The following TCF4 variants were observed in gnomAD, a reference collection of about 807,000 sequenced individuals.
TCF4 encodes the protein SL3-3 enhancer factor 2.
A neutral mutation model predicts 82.1 loss-of-function variants in TCF4; 3 were observed. The observed-to-expected ratio is 0.04, with a 90% CI of 0.02 to 0.09. The LOEUF (loss-of-function observed/expected upper bound fraction) is 0.09. Among genes scored for constraint, TCF4 ranks in the 10% least tolerant of loss-of-function variants. The pLI, the probability that TCF4 is intolerant of heterozygous loss-of-function variation, is 1.00. For missense variants in TCF4, 518 were observed against 852.7 expected, an observed-to-expected ratio of 0.61 and a Z score of 4.89; for synonymous variants, 276 against 309.6, an observed-to-expected ratio of 0.89 and a Z score of 1.14.
chr18:55,468,910 C>T (rs1355149733), intron 3 of TCF4, among the ~76,000 whole-genome samples: 1 of 137,426 alleles, frequency 7.3e-6, no homozygotes, highest in Non-Finnish European at 1.6e-5. Flanking sequence ...TATTGCCACC[C>T]TTTTTCCAAG....
At chr18:55,336,767 T>C (rs1034128200) in intron 8 of TCF4, among the ~76,000 whole-genome samples, 2 of 152,162 alleles carry the variant, frequency 1.3e-5, no homozygotes, top group Non-Finnish European at 1.5e-5. Flanking sequence ...AATTCTGCTA[T>C]TAAGAATCTT....
At chr18:55,356,024 T>A (rs1336479831) in intron 6 of TCF4, among the ~76,000 whole-genome samples, 1 of 152,082 alleles carries the variant, frequency 6.6e-6, no homozygotes, top group Non-Finnish European at 1.5e-5. Context: ...TAAACCATAC[T>A]TTCTTCCCGT....
Position 55,302,728 on chromosome 18 carries a change from C to T in TCF4, c.550-23072G>A, listed in dbSNP as rs551099857. 6.8e-4 allele frequency: 661 copies of T among 969,864 alleles called. 3 individuals are homozygous for T. The highest frequency in any genetic ancestry group is 3.1e-3 in the South Asian group (182 of 58,742). The allele number at this position is 969,864 out of a possible 1,614,324, so 60.1% of individuals were successfully genotyped here. A position where few individuals can be genotyped will look rare whatever the true frequency, so the allele number is the denominator to read the frequency against. On this transcript the variant is annotated intron_variant, in intron 8 of 19. Transcript: ENST00000354452. ...CATGAAGAAGGGGAGGTGGGACAAG[C>T]CCAGCCACCCAAATGACCAGGCATG...
At chr18:55,635,902 T>C in exon 1 of TCF4, 1 of 1,571,124 alleles carries the variant, frequency 6.4e-7, no homozygotes, top group Non-Finnish European at 8.6e-7. Context: ...AAACATGGTG[T>C]TGTTCCTTTG....
intron 3 of TCF4, 89 bp from the exon 4 acceptor site, chr18:55,464,226 C>G: frequency 8.7e-7 from 1 of 1,153,388 alleles, no homozygotes; most frequent in Non-Finnish European, 1.3e-6. Flanking sequence ...TCAAATTAAT[C>G]TCCTGTTGCC....
At chr18:55,618,702 G>A (rs574529313) in intron 2 of TCF4, among the ~76,000 whole-genome samples, 19 of 151,596 alleles carry the variant, frequency 1.3e-4, no homozygotes, top group South Asian at 6.2e-4. Flanking sequence ...CCACCTCAGC[G>A]TCATAACTAA....
chr18:55,285,946 C>T (rs2063578156), intron 8 of TCF4, among the ~76,000 whole-genome samples: 1 of 152,186 alleles, frequency 6.6e-6, no homozygotes, highest in South Asian at 2.1e-4. Context: ...ATTTAGAGTC[C>T]TGAGTACTAT....
At chr18:55,246,666 A>G (rs1234929639) in intron 15 of TCF4, among the ~76,000 whole-genome samples, 1 of 152,076 alleles carries the variant, frequency 6.6e-6, no homozygotes, top group Non-Finnish European at 1.5e-5. Context: ...GTTATCACTC[A>G]TCCATGGCTA....
chr18:55,417,239 C>T (rs1460929983), intron 5 of TCF4, among the ~76,000 whole-genome samples: 26 of 152,162 alleles, frequency 1.7e-4, no homozygotes. Context: ...TTTCTCATCC[C>T]GCGACTGTGG....
At position 55,295,575 on chromosome 18, in the gene TCF4, G is replaced by A. The variant is rs1799407; in HGVS notation, c.550-15919C>T. 4.1e-3 allele frequency among the ~76,000 whole-genome samples: 627 copies of A among 152,162 alleles called. 6 individuals carry two copies. The highest frequency in any genetic ancestry group is 0.014 in the African/African-American group (593 of 41,504). On this transcript the variant is annotated intron_variant, in intron 8 of 19. Coordinates refer to ENST00000354452, the MANE Select transcript of TCF4 (RefSeq NM_001083962.2). The stretch of plus-strand genomic sequence containing the variant: ...CTAAGTTTTCCAGGTCCTCCTATCC[G>A]TCTTGACTTTTAAATTCAATTACTT...
intron 2 of TCF4, among the ~76,000 whole-genome samples, chr18:55,611,726 A>C (rs1257337029): frequency 6.6e-6 from 1 of 152,196 alleles, no homozygotes; most frequent in Non-Finnish European, 1.5e-5. Flanking sequence ...GTATATGCGA[A>C]ATATTATAAT....
chr18:55,365,654 C>T (rs1016279769), intron 6 of TCF4, among the ~76,000 whole-genome samples: 2 of 152,112 alleles, frequency 1.3e-5, no homozygotes, highest in Non-Finnish European at 2.9e-5. Context: ...GATCCCAGCA[C>T]TTTGGGAGGC....
intron 5 of TCF4, among the ~76,000 whole-genome samples, chr18:55,447,535 C>T (rs1171047520): frequency 2.0e-5 from 3 of 152,138 alleles, no homozygotes; most frequent in Admixed American, 1.3e-4. Flanking sequence ...CCCAAAAGTA[C>T]TTGCTGGGTG....
intron 2 of TCF4, among the ~76,000 whole-genome samples, chr18:55,615,236 C>A (rs561790866): frequency 6.6e-5 from 10 of 152,080 alleles, no homozygotes; most frequent in Non-Finnish European, 1.0e-4. Context: ...TTAATTAGAT[C>A]TCTAATTTTT....
rs371974974 is a variant in TCF4 at position 55,460,500 on chromosome 18, A to G, written c.304+519T>C. Among the ~76,000 whole-genome samples, 67 of 152,316 alleles carry G rather than the reference A, an allele frequency of 4.4e-4. No individual in the cohort carries two copies. The South Asian group carries it at 6.4e-3, about 15-fold the overall frequency. On this transcript the variant is annotated intron_variant, in intron 5 of 19. Transcript: ENST00000354452. ...GGGGTCTGCCTAGGCCATTAGCACTAAAGTTCATGCCTTGATAAATATACA... is the reference window on the plus strand; with the variant it reads ...GGGGTCTGCCTAGGCCATTAGCACTGAAGTTCATGCCTTGATAAATATACA...
At chr18:55,332,009 T>C (rs1206616522) in intron 8 of TCF4, 1 of 152,242 alleles carries the variant, frequency 6.6e-6, no homozygotes, top group Non-Finnish European at 1.5e-5. Context: ...ACACATCTAT[T>C]GTCACTTTTG....
At chr18:55,548,975 A>G (rs1181940833) in intron 3 of TCF4, among the ~76,000 whole-genome samples, 1 of 152,178 alleles carries the variant, frequency 6.6e-6, no homozygotes, top group African/African-American at 2.4e-5. Context: ...AACATTGTAC[A>G]TTAAGGATAC....
At position 55,360,731 on chromosome 18, in the gene TCF4, C is replaced by CTTTT. The variant is rs35704472; in HGVS notation, c.370-9732_370-9729dup. Among the ~76,000 whole-genome samples, 456 of 74,248 alleles carry CTTTT rather than the reference C, an allele frequency of 6.1e-3. 6 individuals are homozygous for CTTTT. Among genetic ancestry groups the CTTTT allele is most frequent in the Admixed American group, 8.7e-3 (50 of 5,716 alleles). The allele number at this position is 74,248 out of a possible 152,430, so 48.7% of individuals were successfully genotyped here. ...AGCCATAATTTGCCCGCCCCCCACC[C>CTTTT]TTTTTTTTTTTTTTTTGAGAGAAGT... On this transcript the variant is annotated intron_variant, in intron 6 of 19. Coordinates refer to ENST00000354452, the MANE Select transcript of TCF4 (RefSeq NM_001083962.2).
chr18:55,542,152 C>A (rs2097169998), intron 3 of TCF4, among the ~76,000 whole-genome samples: 1 of 151,938 alleles, frequency 6.6e-6, no homozygotes, highest in Non-Finnish European at 1.5e-5. Context: ...GTATTCTTTA[C>A]TTCAAAAGAG....
Sources: allele counts gnomAD v4.1 joint callset (sites outside exome capture counted in the v4.1 genomes callset), GRCh38; gene constraint gnomAD v4.1.1; transcripts MANE v1.5; gene names NCBI Gene and HGNC (gene_info 2026-07-23, HGNC 2026-07-21).